The following USP26 variants were observed in gnomAD, a reference collection of about 807,000 sequenced individuals.
The protein encoded by USP26 is ubiquitin specific peptidase 26.
For missense variants in USP26, 649 were observed against 642.3 expected (o/e 1.01, Z -0.11); for synonymous variants, 236 against 240.6 (o/e 0.98, Z 0.18).
intron 5 of USP26, among the ~76,000 whole-genome samples, chrX:133,064,985 C>T (rs961592820): frequency 1.8e-5 from 2 of 111,025 alleles, no homozygotes; most frequent in Non-Finnish European, 3.8e-5. Context: ...ACTAGCCAGA[C>T]TAATAAAGAA....
intron 5 of USP26, among the ~76,000 whole-genome samples, chrX:133,066,204 G>A (rs193257944): frequency 1.4e-4 from 16 of 110,911 alleles, no homozygotes; most frequent in African/African-American, 3.9e-4. Flanking sequence ...ACTACAAACC[G>A]CTGTTCAAGG....
intron 5 of USP26, among the ~76,000 whole-genome samples, chrX:133,054,824 A>T (rs1602978782): frequency 8.9e-6 from 1 of 112,455 alleles, no homozygotes; most frequent in African/African-American, 3.2e-5. Context: ...AAGGCTATTG[A>T]ATCAGCCTAA....
At chrX:133,035,318 A>G (rs1376668959) in intron 5 of USP26, among the ~76,000 whole-genome samples, 1 of 112,362 alleles carries the variant, frequency 8.9e-6, no homozygotes, top group African/African-American at 3.2e-5. Flanking sequence ...GTGATCCTGC[A>G]AGAAAGAGGC....
rs1249216352 is a variant in USP26 at position 133,026,641 on chromosome X, T to C, written c.1580A>G (p.Asn527Ser). The part of the protein sequence containing the change: ...LIVHLKRYSL[N>S]EFCALKKNDQ... ...ATTCTTCTTTAATGCACAAAACTCA[T>C]TCAAGCTATAGCGTTTGAGGTGAAC... is the stretch of plus-strand genomic sequence containing the variant. Residue 527 changes from asparagine (N) to serine (S), a missense_variant, in exon 6 of 6, where the codon AAT becomes AGT. Coordinates refer to ENST00000511190, the MANE Select transcript of USP26 (RefSeq NM_031907.3). The C allele has an allele frequency of 2.5e-6, 3 of 1,208,283 alleles. No individual in the cohort carries two copies. The highest frequency in any genetic ancestry group is 3.4e-6 in the Non-Finnish European group (3 of 893,849).
Position 133,025,569 on chromosome X carries a change from C to G in USP26, c.2652G>C (p.Met884Ile). Reference protein sequence around the residue: ...RRCTGYIFFYMHNEIFEEMLK... With the variant: ...RRCTGYIFFYIHNEIFEEMLK... ...ACATCTCTTCAAAGATCTCATTATG[C>G]ATGTAAAAGAAGATGTACCCAGTGC... The change falls in exon 6 of 6, where the codon ATG (methionine) becomes ATC (isoleucine). Residue 884 changes from methionine (M) to isoleucine (I), a missense_variant. Met to Ile is a conservative substitution (Grantham distance 10). Coordinates refer to ENST00000511190, the MANE Select transcript of USP26 (RefSeq NM_031907.3). 1 of 1,211,272 alleles carries G rather than the reference C, an allele frequency of 8.3e-7. No homozygotes were observed. The highest frequency in any genetic ancestry group is 1.1e-6 in the Non-Finnish European group (1 of 895,413).
chrX:133,060,912 T>C (rs1228287922), intron 5 of USP26, among the ~76,000 whole-genome samples: 1 of 111,785 alleles, frequency 8.9e-6, no homozygotes, highest in Non-Finnish European at 1.9e-5. Flanking sequence ...CAGGAATGAA[T>C]TGATATGTAG....
intron 5 of USP26, among the ~76,000 whole-genome samples, chrX:133,064,286 T>C (rs1285722604): frequency 9.0e-6 from 1 of 111,558 alleles, no homozygotes; most frequent in African/African-American, 3.3e-5. Flanking sequence ...AGTGGGAGAC[T>C]TTAACACCCC....
intron 4 of USP26, among the ~76,000 whole-genome samples, chrX:133,089,895 G>A (rs774914214): frequency 1.8e-5 from 2 of 112,048 alleles, no homozygotes; most frequent in East Asian, 2.8e-4. Flanking sequence ...GGAGGCTGAG[G>A]TAGGAGGACT....
intron 5 of USP26, among the ~76,000 whole-genome samples, chrX:133,038,343 A>G (rs1238551744): frequency 2.7e-5 from 3 of 111,827 alleles, no homozygotes; most frequent in Non-Finnish European, 3.8e-5. Context: ...TGTTGCATCA[A>G]TACCTAGTTT....
At chrX:133,035,311 A>T (rs981540682) in intron 5 of USP26, among the ~76,000 whole-genome samples, 1 of 112,299 alleles carries the variant, frequency 8.9e-6, no homozygotes, top group African/African-American at 3.2e-5. Context: ...GAAAAATGTG[A>T]TCCTGCAAGA....
At position 133,027,715 on chromosome X, in the gene USP26, CAAGT is replaced by C; in HGVS notation, c.502_505del (p.Thr168AlafsTer22). 8.3e-7 allele frequency: 1 copy of C among 1,209,169 alleles called. No homozygotes were observed. The highest frequency in any genetic ancestry group is 1.1e-6 in the Non-Finnish European group (1 of 893,461). On this transcript the variant is annotated frameshift_variant, in exon 6 of 6. Transcript: ENST00000511190. LOFTEE classifies it low-confidence loss of function (END_TRUNC). ...GTGCTGATTTTCTGATAACTCTCCG[CAAGT>C]AAGTGTCAATTTTGATGTAAGCAAA...
intron 5 of USP26, among the ~76,000 whole-genome samples, chrX:133,076,003 T>C (rs1228071470): frequency 8.9e-6 from 1 of 111,771 alleles, no homozygotes; most frequent in African/African-American, 3.2e-5. Context: ...AGGATAAATA[T>C]GTACAAATAG....
At chrX:133,046,644 A>G (rs1254126213) in intron 5 of USP26, among the ~76,000 whole-genome samples, 1 of 111,292 alleles carries the variant, frequency 9.0e-6, no homozygotes, top group African/African-American at 3.3e-5. Context: ...AGAGAGAGAG[A>G]GAGAGAGAGA....
At chrX:133,059,972 T>C (rs2067489591) in intron 5 of USP26, among the ~76,000 whole-genome samples, 1 of 111,944 alleles carries the variant, frequency 8.9e-6, no homozygotes, top group Admixed American at 9.5e-5. Flanking sequence ...ATGCAGCCTG[T>C]TCAGCAGATT....
intron 1 of USP26, among the ~76,000 whole-genome samples, chrX:133,096,666 G>A (rs1410011636): frequency 1.8e-5 from 2 of 111,701 alleles, no homozygotes; most frequent in Admixed American, 9.5e-5. Context: ...ACACTGAGGC[G>A]GGTGGACCAC....
intron 5 of USP26, among the ~76,000 whole-genome samples, chrX:133,059,429 C>T (rs2067487688): frequency 9.0e-6 from 1 of 111,488 alleles, no homozygotes; most frequent in Non-Finnish European, 1.9e-5. Context: ...ACACTGAGAA[C>T]TAGACTTTAC....
At chrX:133,093,775 G>A (rs1432620724) in intron 1 of USP26, among the ~76,000 whole-genome samples, 4 of 109,856 alleles carry the variant, frequency 3.6e-5, no homozygotes, top group Non-Finnish European at 5.7e-5. Flanking sequence ...AAACCCAGGA[G>A]TTGGAGATCA....
rs758415574 is a variant in USP26 at position 133,026,467 on chromosome X, C to G, written c.1754G>C (p.Ser585Thr). The G allele has an allele frequency of 8.3e-7, 1 of 1,208,686 alleles. No homozygotes were observed. Among genetic ancestry groups the G allele is most frequent in the Non-Finnish European group, 1.1e-6 (1 of 894,687 alleles). ...TTCCTTTGTTGCAGGCCATGATACA[C>G]TGATGTTTCCAGAAGTCATCTTTCG... ...VIRKMTSGNI[S>T]VSWPATKESK... The change falls in exon 6 of 6, where the codon AGT (serine) becomes ACT (threonine). Residue 585 changes from serine to threonine, a missense_variant. Ser to Thr is a moderately conservative substitution (Grantham distance 58, BLOSUM62 1). Transcript: ENST00000511190.
At chrX:133,030,644 G>C (rs907506933) in intron 5 of USP26, among the ~76,000 whole-genome samples, 1 of 111,643 alleles carries the variant, frequency 9.0e-6, no homozygotes, top group Non-Finnish European at 1.9e-5. Flanking sequence ...TTTACCCTCT[G>C]TATCCTCCAT....
Sources: allele counts gnomAD v4.1 joint callset (sites outside exome capture counted in the v4.1 genomes callset), GRCh38; gene constraint gnomAD v4.1.1; transcripts MANE v1.5; gene names NCBI Gene and HGNC (gene_info 2026-07-23, HGNC 2026-07-21).